SPON1: variants seen among roughly 807,000 people sequenced by gnomAD.
The protein encoded by SPON1 is spondin-1.
Under a neutral mutation model 111.7 loss-of-function variants are expected in SPON1, and 52 were observed. The ratio of observed to expected loss-of-function variants is 0.47; its 90% CI spans 0.37 to 0.59. The LOEUF (loss-of-function observed/expected upper bound fraction) is 0.59. Among genes scored for constraint, SPON1 ranks in the 20% least tolerant of loss-of-function variants. The pLI is 0.00. For synonymous variants in SPON1, 410 were observed against 395.8 expected, an observed-to-expected ratio of 1.04 and a Z score of -0.43; for missense variants, 957 against 1,068.5, an observed-to-expected ratio of 0.90 and a Z score of 1.46.
chr11:14,172,278 G>T (rs1295453990), intron 6 of SPON1, among the ~76,000 whole-genome samples: 2 of 151,792 alleles, frequency 1.3e-5, no homozygotes, highest in East Asian at 1.9e-4. Context: ...ATCTTTGTTG[G>T]TTTAAAGTCT....
intron 5 of SPON1, among the ~76,000 whole-genome samples, chr11:14,119,070 T>G (rs1849285598): frequency 6.6e-6 from 1 of 152,118 alleles, no homozygotes; most frequent in Non-Finnish European, 1.5e-5. Flanking sequence ...TGGTAGAGGA[T>G]TACCTATATT....
chr11:14,128,063 G>A (rs1480816808), intron 5 of SPON1, among the ~76,000 whole-genome samples: 1 of 152,132 alleles, frequency 6.6e-6, no homozygotes, highest in Admixed American at 6.5e-5. Context: ...GATGAGATTT[G>A]GGTGGAGACA....
intron 2 of SPON1, among the ~76,000 whole-genome samples, chr11:14,017,812 C>G (rs1848454032): frequency 6.6e-6 from 1 of 152,192 alleles, no homozygotes; most frequent in South Asian, 2.1e-4. Context: ...CTGGGACTAC[C>G]TAAGTGTCTT....
intron 1 of SPON1, among the ~76,000 whole-genome samples, chr11:13,981,626 G>A (rs1002769267): frequency 1.3e-5 from 2 of 152,176 alleles, no homozygotes; most frequent in Non-Finnish European, 2.9e-5. Context: ...GTGCCCGGCC[G>A]AGCTAGATTT....
At chr11:13,992,958 T>G (rs1177855223) in intron 2 of SPON1, among the ~76,000 whole-genome samples, 1 of 152,120 alleles carries the variant, frequency 6.6e-6, no homozygotes, top group Non-Finnish European at 1.5e-5. Context: ...GCTTTCTGTA[T>G]CAATCTCACT....
chr11:14,063,569 A>T (rs1316156014), intron 3 of SPON1, among the ~76,000 whole-genome samples: 2 of 152,206 alleles, frequency 1.3e-5, no homozygotes, highest in Non-Finnish European at 2.9e-5. Flanking sequence ...GAACTCTGTG[A>T]GGGTCCAAGA....
chr11:14,197,391 A>G (rs1247811635), intron 6 of SPON1, among the ~76,000 whole-genome samples: 1 of 152,034 alleles, frequency 6.6e-6, no homozygotes, highest in Non-Finnish European at 1.5e-5. Context: ...GACTAAATTT[A>G]AGGCTCAGAA....
At chr11:14,193,245 T>C (rs1258335162) in intron 6 of SPON1, among the ~76,000 whole-genome samples, 3 of 152,150 alleles carry the variant, frequency 2.0e-5, no homozygotes, top group African/African-American at 7.2e-5. Context: ...AGGATGGTCC[T>C]GAGATTCTAA....
intron 2 of SPON1, among the ~76,000 whole-genome samples, chr11:13,998,495 G>T (rs1848290673): frequency 6.6e-6 from 1 of 152,050 alleles, no homozygotes. Context: ...ATCCCATTTG[G>T]AATCTGTGCA....
intron 6 of SPON1, among the ~76,000 whole-genome samples, chr11:14,218,860 G>C (rs910370748): frequency 1.3e-5 from 2 of 152,282 alleles, no homozygotes; most frequent in Non-Finnish European, 2.9e-5. Flanking sequence ...GTTGAAATTA[G>C]CTCTGTCTGT....
chr11:13,978,778 C>T (rs1195110337), intron 1 of SPON1, among the ~76,000 whole-genome samples: 5 of 151,870 alleles, frequency 3.3e-5, no homozygotes, highest in Non-Finnish European at 7.4e-5. Flanking sequence ...ATGAGTAGCT[C>T]ATGAAAAAAT....
intron 6 of SPON1, among the ~76,000 whole-genome samples, chr11:14,229,730 A>G (rs1554938450): frequency 6.6e-6 from 1 of 152,184 alleles, no homozygotes. Context: ...AGGTTCAGAG[A>G]GGACAGCACT....
At chr11:13,973,004 C>T (rs1323341148) in intron 1 of SPON1, among the ~76,000 whole-genome samples, 4 of 152,150 alleles carry the variant, frequency 2.6e-5, no homozygotes, top group African/African-American at 9.7e-5. Context: ...TCGCTTCTAC[C>T]TTCTCTGTCT....
chr11:13,967,026 A>G (rs545589832), intron 1 of SPON1, among the ~76,000 whole-genome samples: 1 of 152,364 alleles, frequency 6.6e-6, no homozygotes, highest in African/African-American at 2.4e-5. Flanking sequence ...GACTCATCTC[A>G]CTTATTCCTT....
At chr11:14,206,863 T>C (rs537384590) in intron 6 of SPON1, among the ~76,000 whole-genome samples, 136 of 152,096 alleles carry the variant, frequency 8.9e-4, no homozygotes, top group African/African-American at 3.0e-3. Context: ...CTGAGACTCT[T>C]CACAGAACTA....
rs1554923807 is a variant in SPON1, at chr11:14,095,445, T to TAGACAGAC, written c.676+15427_676+15428insCAGACAGA. 3.9e-4 allele frequency among the ~76,000 whole-genome samples: 57 copies of TAGACAGAC among 147,496 alleles called. 1 individual carries two copies. Among genetic ancestry groups the TAGACAGAC allele is most frequent in the South Asian group, 4.2e-4 (2 of 4,716 alleles). On this transcript the variant is annotated intron_variant, in intron 5 of 15. Transcript: ENST00000576479. ...ATAGATAGATAGATAGATAGATAGA[T>TAGACAGAC]AGATAATACATTTTTTTTTGAGGAA...
chr11:14,013,847 G>T (rs185042490), intron 2 of SPON1, among the ~76,000 whole-genome samples: 3 of 152,152 alleles, frequency 2.0e-5, no homozygotes, highest in Admixed American at 1.3e-4. Flanking sequence ...ACTCAGAGAG[G>T]TTATTTACTT....
Position 14,257,722 on chromosome 11 carries a change from C to A in SPON1, c.1316C>A (p.Thr439Asn), listed in dbSNP as rs1554941374. Residue 439 changes from threonine (T) to asparagine (N), a missense_variant, in exon 11 of 16, where the codon ACC becomes AAC. Physicochemically the swap from Thr to Asn is moderately conservative, Grantham distance 65. Coordinates refer to ENST00000576479, the MANE Select transcript of SPON1 (RefSeq NM_006108.4). Reference protein sequence around the residue: ...LAPEEKDEDDTPETCIYSNWS... With the variant: ...LAPEEKDEDDNPETCIYSNWS... ...TGTCAAACACTCTTTCCAGATGACA[C>A]CCCTGAAACCTGCATCTACTCCAAC... is the stretch of plus-strand genomic sequence containing the variant. 8 of 1,609,362 alleles carry A rather than the reference C, an allele frequency of 5.0e-6. No homozygotes were observed. Among genetic ancestry groups the A allele is most frequent in the Non-Finnish European group, 6.8e-6 (8 of 1,177,532 alleles).
chr11:14,032,195 C>A (rs1285193981), intron 2 of SPON1, among the ~76,000 whole-genome samples: 7 of 152,098 alleles, frequency 4.6e-5, no homozygotes, highest in African/African-American at 1.7e-4. Context: ...ATACTTTAAT[C>A]CTGTCTTTTA....
Sources: gnomAD v4.1 joint callset for allele counts (sites outside exome capture counted in the v4.1 genomes callset) on GRCh38, gnomAD v4.1.1 for gene constraint, MANE v1.5 for transcripts, NCBI Gene and HGNC (gene_info 2026-07-23, HGNC 2026-07-21) for gene names.